SLC9C2: variants seen among roughly 807,000 people sequenced by gnomAD.
SLC9C2 encodes solute carrier family 9 member C2 (putative), also known as sodium/hydrogen exchanger 11.
Under a neutral mutation model 140.2 loss-of-function variants are expected in SLC9C2, and 75 were observed. The ratio of observed to expected loss-of-function variants is 0.53; its 90% CI spans 0.44 to 0.65. The LOEUF (loss-of-function observed/expected upper bound fraction) is 0.65. Among genes scored for constraint, SLC9C2 ranks in the 30% least tolerant of loss-of-function variants. The pLI is 0.00. For missense variants in SLC9C2, 1,074 were observed against 1,331.8 expected (o/e 0.81, Z 3.01); for synonymous variants, 375 against 420.9 (o/e 0.89, Z 1.34).
At chr1:173,535,770 G>C in intron 15 of SLC9C2, 60 bp downstream of exon 15, 1 of 1,430,026 alleles carries the variant, frequency 7.0e-7, no homozygotes, top group Non-Finnish European at 9.3e-7. Context: ...AAGCTATTAT[G>C]ACAATGTAGA....
Position 173,534,676 on chromosome 1 carries a change from A to G in SLC9C2, c.1782T>C (p.Asn594=). 6.7e-7 allele frequency: 1 copy of G among 1,497,316 alleles called. No individual in the cohort carries two copies. The highest frequency in any genetic ancestry group is 9.0e-7 in the Non-Finnish European group (1 of 1,116,186). The allele number at this position is 1,497,316 out of a possible 1,614,324, so 92.8% of individuals were successfully genotyped here. Residue 594 remains asparagine (N), a synonymous_variant, in exon 16 of 28, where the codon AAT becomes AAC. Coordinates refer to ENST00000367714, the MANE Select transcript of SLC9C2 (RefSeq NM_178527.4). ...EKIHFIPPES[N]TFLTFIFHIV... is the part of the protein sequence containing the mutation. ...TGTGAAATATAAAAGTCAGAAATGT[A>G]TTACTCCTGAAAAGAGATCAAATAA...
In SLC9C2 at chr1:173,548,483, A is replaced by G; in HGVS notation, c.1367T>C (p.Val456Ala). ...TTTAAATAAAGTTATTGTGTTCTGT[A>G]CTATCTCCTGTATGTGCTGAGTGGC... ...QNATQHIQEI[V>A]QNTITLFKTE... Residue 456 changes from valine (V) to alanine (A), a missense_variant, in exon 12 of 28, where the codon GTA becomes GCA. Coordinates refer to ENST00000367714, the MANE Select transcript of SLC9C2 (RefSeq NM_178527.4). 1 of 1,613,860 alleles carries G rather than the reference A, an allele frequency of 6.2e-7. No individual in the cohort carries two copies. Among genetic ancestry groups the G allele is most frequent in the Non-Finnish European group, 8.5e-7 (1 of 1,179,814 alleles).
chr1:173,518,955 C>T (rs1326828764), intron 22 of SLC9C2, among the ~76,000 whole-genome samples: 2 of 152,064 alleles, frequency 1.3e-5, no homozygotes, highest in African/African-American at 4.8e-5. Context: ...AATCTAGGGA[C>T]TGCAGTGAAG....
At chr1:173,575,588 G>GT (rs773109631) in intron 8 of SLC9C2, among the ~76,000 whole-genome samples, 1 of 151,874 alleles carries the variant, frequency 6.6e-6, no homozygotes, top group Non-Finnish European at 1.5e-5. Flanking sequence ...GTTTGTTTTT[G>GT]TTTTTTGAGA....
At chr1:173,577,582 G>A (rs537105421) in intron 7 of SLC9C2, among the ~76,000 whole-genome samples, 3 of 152,254 alleles carry the variant, frequency 2.0e-5, no homozygotes, top group African/African-American at 7.2e-5. Context: ...AAGAGCTTTG[G>A]GGGAAAGCAG....
Position 173,601,948 on chromosome 1 carries a change from A to G in SLC9C2, c.-79-93T>C, listed in dbSNP as rs1666810308. 16 of 761,924 alleles carry G rather than the reference A, an allele frequency of 2.1e-5. No homozygotes were observed. The South Asian group carries it at 2.9e-4, about 14-fold the overall frequency. 47.2% of individuals were successfully genotyped at this position (761,924 alleles called of 1,614,324 possible). On this transcript the variant is annotated intron_variant, in intron 1 of 27. Transcript: ENST00000367714. ...GATTGTGCCACACTCAGATCTGAAC[A>G]TGTCTCTTCTTGTCACAGGGCACAC...
rs370566828 is a variant in SLC9C2, at chr1:173,524,037, T to A, written c.2572A>T (p.Thr858Ser). The change falls in exon 21 of 28, where the codon ACT (threonine) becomes TCT (serine). Residue 858 changes from threonine to serine, a missense_variant. Thr to Ser is a moderately conservative substitution (Grantham distance 58). Transcript: ENST00000367714. The part of the protein sequence containing the change: ...NNFPKAIPPP[T>S]PDIYLHNIIW... ...ATGTTGTGAAGGTATATGTCAGGAG[T>A]TGGGGGTGGGATTGCCTTTGGAAAG... The A allele has an allele frequency of 5.0e-6, 8 of 1,613,420 alleles. No individual in the cohort carries two copies. Among genetic ancestry groups the A allele is most frequent in the Non-Finnish European group, 6.8e-6 (8 of 1,179,764 alleles).
intron 24 of SLC9C2, among the ~76,000 whole-genome samples, chr1:173,508,497 C>G (rs1032308803): frequency 1.3e-5 from 2 of 150,578 alleles, no homozygotes; most frequent in African/African-American, 4.8e-5. Flanking sequence ...ATACTAGACT[C>G]TAAATTTGTC....
intron 9 of SLC9C2, among the ~76,000 whole-genome samples, chr1:173,561,078 G>C (rs1450650998): frequency 6.6e-6 from 1 of 152,166 alleles, no homozygotes; most frequent in African/African-American, 2.4e-5. Flanking sequence ...TTACATGTGT[G>C]AGCCACCGTG....
At position 173,520,228 on chromosome 1, in the gene SLC9C2, C is replaced by T. The variant is rs150595072; in HGVS notation, c.2739+1073G>A. 4.4e-3 allele frequency among the ~76,000 whole-genome samples: 664 copies of T among 152,172 alleles called. 3 individuals are homozygous for T. Among genetic ancestry groups the T allele is most frequent in the African/African-American group, 0.015 (630 of 41,512 alleles). On this transcript the variant is annotated intron_variant, in intron 22 of 27. Transcript: ENST00000367714. ...GATTATAGACATATGCCACCATGCCCGGCTAATTTGTGTATTTTTAGTAGA... is the reference window on the plus strand; with the variant it reads ...GATTATAGACATATGCCACCATGCCTGGCTAATTTGTGTATTTTTAGTAGA...
At chr1:173,510,658 C>A (rs1659977552) in intron 23 of SLC9C2, among the ~76,000 whole-genome samples, 1 of 152,192 alleles carries the variant, frequency 6.6e-6, no homozygotes. Context: ...CTGCAAAGGA[C>A]ATGTTCTCAT....
In SLC9C2 at chr1:173,536,027, G is replaced by GTA. The variant is rs561355952; in HGVS notation, c.1656-80_1656-79dup. On this transcript the variant is annotated intron_variant, in intron 14 of 27. Coordinates refer to ENST00000367714, the MANE Select transcript of SLC9C2 (RefSeq NM_178527.4). ...TTGGGTTAATATAAAAGGGGAAGGT[G>GTA]TACTAAGTATAAATTTAATATGGAC... 172 of 1,275,892 alleles carry GTA rather than the reference G, an allele frequency of 1.3e-4. 1 individual carries two copies. In the East Asian group the frequency reaches 3.9e-3, roughly 29 times the overall value. 79.0% of individuals were successfully genotyped at this position (1,275,892 alleles called of 1,614,324 possible). A position where few individuals can be genotyped will look rare whatever the true frequency, so the allele number is the denominator to read the frequency against.
intron 4 of SLC9C2, among the ~76,000 whole-genome samples, chr1:173,595,989 A>C (rs1292651411): frequency 6.6e-6 from 1 of 152,132 alleles, no homozygotes; most frequent in Non-Finnish European, 1.5e-5. Flanking sequence ...CCAGACCTAC[A>C]GTTTTGCCAT....
chr1:173,563,783 A>G (rs1412910873), intron 9 of SLC9C2, among the ~76,000 whole-genome samples: 1 of 152,122 alleles, frequency 6.6e-6, no homozygotes, highest in Admixed American at 6.5e-5. Flanking sequence ...TTGTGCCATC[A>G]AATACTAGGT....
chr1:173,600,015 T>C, intron 3 of SLC9C2, 102 bp downstream of exon 3: 1 of 694,256 alleles, frequency 1.4e-6, no homozygotes, highest in East Asian at 2.9e-5. Flanking sequence ...GAGTAGCTGT[T>C]CCCATAAGAA....
At chr1:173,501,300 A>G (rs946798962) in intron 27 of SLC9C2, among the ~76,000 whole-genome samples, 2 of 152,172 alleles carry the variant, frequency 1.3e-5, no homozygotes, top group Non-Finnish European at 2.9e-5. Flanking sequence ...CATCTTGTGA[A>G]GAGATACTAC....
chr1:173,602,019 G>A (rs571916957), intron 1 of SLC9C2, among the ~76,000 whole-genome samples, 164 bp from the exon 2 acceptor site: 244 of 152,224 alleles, frequency 1.6e-3, no homozygotes, highest in South Asian at 0.015. Context: ...CATTTTATAG[G>A]AACACTAACA....
intron 3 of SLC9C2, 51 bp from the exon 4 acceptor site, chr1:173,598,083 T>C: frequency 6.5e-7 from 1 of 1,535,262 alleles, no homozygotes; most frequent in Non-Finnish European, 8.8e-7. Flanking sequence ...TTTCCAAGTA[T>C]TAGAAACTAG....
chr1:173,588,274 T>C (rs961876740), intron 4 of SLC9C2, among the ~76,000 whole-genome samples: 1 of 152,192 alleles, frequency 6.6e-6, no homozygotes, highest in African/African-American at 2.4e-5. Context: ...AATAAGTAGT[T>C]CTGCAATAGA....
Sources: gnomAD v4.1 joint callset for allele counts (sites outside exome capture counted in the v4.1 genomes callset) on GRCh38, gnomAD v4.1.1 for gene constraint, MANE v1.5 for transcripts, NCBI Gene and HGNC (gene_info 2026-07-23, HGNC 2026-07-21) for gene names.